The following CDH12 variants were observed in gnomAD, a reference collection of about 807,000 sequenced individuals.
CDH12 encodes cadherin-12.
In CDH12, 41 loss-of-function variants were observed where a neutral mutation model predicts 74.1. The ratio of observed to expected loss-of-function variants is 0.55; its 90% CI spans 0.43 to 0.72. CDH12 has a LOEUF of 0.72. CDH12 is among the 30% of genes least tolerant of loss of function. CDH12 has a pLI of 0.00. For synonymous variants in CDH12, 399 were observed against 355.0 expected, an observed-to-expected ratio of 1.12 and a Z score of -1.39; for missense variants, 945 against 977.2, an observed-to-expected ratio of 0.97 and a Z score of 0.44.
intron 1 of CDH12, among the ~76,000 whole-genome samples, chr5:22,707,573 AAAAGCATC>A (rs2126968984): frequency 6.6e-6 from 1 of 152,298 alleles, no homozygotes; most frequent in Non-Finnish European, 1.5e-5. Context: ...ACAAAACAAC[AAAAGCATC>A]ACATTGAGAG....
intron 3 of CDH12, among the ~76,000 whole-genome samples, chr5:22,315,265 G>T (rs1738583551): frequency 6.6e-6 from 1 of 151,376 alleles, no homozygotes; most frequent in Non-Finnish European, 1.5e-5. Context: ...CCCGGCCTGG[G>T]CTGTTTGTTC....
At chr5:22,743,424 G>T (rs1160187741) in intron 1 of CDH12, among the ~76,000 whole-genome samples, 1 of 151,752 alleles carries the variant, frequency 6.6e-6, no homozygotes, top group East Asian at 1.9e-4. Flanking sequence ...AAGCAGTATT[G>T]ACACTATAAA....
chr5:22,832,648 A>T (rs1736669404), intron 1 of CDH12, among the ~76,000 whole-genome samples: 1 of 152,122 alleles, frequency 6.6e-6, no homozygotes, highest in Non-Finnish European at 1.5e-5. Context: ...TATAACACAG[A>T]TATTCTAAAT....
chr5:22,010,901 T>C (rs1227883900), intron 5 of CDH12, among the ~76,000 whole-genome samples: 1 of 152,012 alleles, frequency 6.6e-6, no homozygotes, highest in Non-Finnish European at 1.5e-5. Flanking sequence ...CCCTATTCAT[T>C]TGTGTCTTAA....
chr5:21,948,851 A>G (rs1278754374), intron 6 of CDH12, among the ~76,000 whole-genome samples: 1 of 152,140 alleles, frequency 6.6e-6, no homozygotes, highest in African/African-American at 2.4e-5. Flanking sequence ...TGCTGTTCTT[A>G]TGATAGTGAG....
intron 5 of CDH12, among the ~76,000 whole-genome samples, chr5:22,051,791 A>G (rs1740386583): frequency 6.6e-6 from 1 of 151,932 alleles, no homozygotes; most frequent in African/African-American, 2.4e-5. Context: ...CTAAAAGGGG[A>G]GTGAAAAGAT....
At chr5:22,378,587 TA>T (rs1741634972) in intron 3 of CDH12, among the ~76,000 whole-genome samples, 1 of 152,118 alleles carries the variant, frequency 6.6e-6, no homozygotes, top group Non-Finnish European at 1.5e-5. Context: ...ATAAAACTTC[TA>T]AAAACTAAGA....
rs141864699 is a variant in CDH12 at position 22,767,493 on chromosome 5, G to A, written c.-523+85565C>T. ...TATTGAGTCCACTGAGTGGTAAAAT[G>A]AATTAAACAAAACTCAACCCAGTCA... On this transcript the variant is annotated intron_variant, in intron 1 of 14. Coordinates refer to ENST00000382254, the MANE Select transcript of CDH12 (RefSeq NM_004061.5). Among the ~76,000 whole-genome samples, 999 of 151,754 alleles carry A rather than the reference G, an allele frequency of 6.6e-3. 31 individuals are homozygous for A. Among genetic ancestry groups the A allele is most frequent in the East Asian group, 4.1e-3 (21 of 5,154 alleles).
rs1741580786 is a variant in CDH12 at position 22,683,071 on chromosome 5, A to G, written c.-523+169987T>C. 1.3e-5 allele frequency among the ~76,000 whole-genome samples: 2 copies of G among 152,110 alleles called. 1 individual carries two copies. Among genetic ancestry groups the G allele is most frequent in the South Asian group, 4.1e-4 (2 of 4,830 alleles). ...TCCATGTAGGTTTATTCTTGCTGAT[A>G]ACATGATCTATTGTTCTCTGAGCCC... On this transcript the variant is annotated intron_variant, in intron 1 of 14. Coordinates refer to ENST00000382254, the MANE Select transcript of CDH12 (RefSeq NM_004061.5).
At chr5:22,702,376 C>T (rs1482701001) in intron 1 of CDH12, among the ~76,000 whole-genome samples, 1 of 152,120 alleles carries the variant, frequency 6.6e-6, no homozygotes, top group Non-Finnish European at 1.5e-5. Context: ...GATAATCTCT[C>T]ACCAATCAGA....
chr5:22,257,455 C>T (rs1434106489), intron 3 of CDH12, among the ~76,000 whole-genome samples: 1 of 150,898 alleles, frequency 6.6e-6, no homozygotes, highest in East Asian at 1.9e-4. Flanking sequence ...CCATTTATGC[C>T]TGAGGTTGCA....
chr5:21,881,832 G>A (rs1752370013), intron 6 of CDH12, among the ~76,000 whole-genome samples: 1 of 152,084 alleles, frequency 6.6e-6, no homozygotes, highest in African/African-American at 2.4e-5. Context: ...TGCATAATAT[G>A]TTTTGAATCA....
chr5:22,354,745 G>T (rs1340004411), intron 3 of CDH12, among the ~76,000 whole-genome samples: 1 of 152,098 alleles, frequency 6.6e-6, no homozygotes, highest in African/African-American at 2.4e-5. Flanking sequence ...AAAAGAAAGA[G>T]GTGACCACGG....
chr5:22,553,267 A>G (rs1738653491), intron 1 of CDH12, among the ~76,000 whole-genome samples: 1 of 152,200 alleles, frequency 6.6e-6, no homozygotes, highest in South Asian at 2.1e-4. Context: ...AATTGTTGAA[A>G]TCAATTTCAA....
intron 6 of CDH12, among the ~76,000 whole-genome samples, chr5:21,892,487 C>T (rs182994989): frequency 3.9e-5 from 6 of 152,240 alleles, no homozygotes; most frequent in Non-Finnish European, 8.8e-5. Flanking sequence ...CAGTTAGTTA[C>T]TTAGGCCAGA....
chr5:22,592,708 C>A (rs561908254), intron 1 of CDH12, among the ~76,000 whole-genome samples: 2 of 146,428 alleles, frequency 1.4e-5, no homozygotes, highest in East Asian at 2.1e-4. Context: ...CAATCCACTG[C>A]AATTTGATGA....
intron 1 of CDH12, among the ~76,000 whole-genome samples, chr5:22,610,267 A>G (rs1259834014): frequency 6.6e-6 from 1 of 152,228 alleles, no homozygotes; most frequent in Non-Finnish European, 1.5e-5. Context: ...CTTGGAAGAT[A>G]GGCTCTTACC....
chr5:22,405,283 G>A lies in CDH12; in HGVS notation c.-359C>T. ...AGTTAGAGGCAATTTATTTTCTAAGGCCAGCTTATGTATCTCAAATTGTTT... is the reference window on the plus strand; with the variant it reads ...AGTTAGAGGCAATTTATTTTCTAAGACCAGCTTATGTATCTCAAATTGTTT... On this transcript the variant is annotated 5_prime_UTR_variant, in exon 3 of 15. Transcript: ENST00000382254. The A allele has an allele frequency of 1.0e-6, 1 of 972,074 alleles. No homozygotes were observed. Among genetic ancestry groups the A allele is most frequent in the Non-Finnish European group, 1.2e-6 (1 of 817,806 alleles). The allele number at this position is 972,074 out of a possible 1,614,324, so 60.2% of individuals were successfully genotyped here. A position where few individuals can be genotyped will look rare whatever the true frequency, so the allele number is the denominator to read the frequency against.
intron 4 of CDH12, among the ~76,000 whole-genome samples, chr5:22,103,615 T>C (rs535288960): frequency 6.6e-6 from 1 of 152,346 alleles, no homozygotes; most frequent in African/African-American, 2.4e-5. Flanking sequence ...AAACTGCTAA[T>C]AAAATCCAGA....
Sources: gnomAD v4.1 joint callset for allele counts (sites outside exome capture counted in the v4.1 genomes callset) on GRCh38, gnomAD v4.1.1 for gene constraint, MANE v1.5 for transcripts, NCBI Gene and HGNC (gene_info 2026-07-23, HGNC 2026-07-21) for gene names.